HEATR5B: variants seen among roughly 807,000 people sequenced by gnomAD.
HEATR5B encodes HEAT repeat containing 5B, also known as HEAT repeat-containing protein 5B.
HEATR5B carries 156 observed loss-of-function variants against 224.1 expected under a neutral mutation model. The observed-to-expected ratio is 0.70, with a 90% CI of 0.61 to 0.80. The LOEUF is 0.80. Among genes scored for constraint, HEATR5B ranks in the 30% least tolerant of loss-of-function variants. The pLI, the probability that HEATR5B is intolerant of heterozygous loss-of-function variation, is 0.00. For synonymous variants in HEATR5B, 1,027 were observed against 893.0 expected, an observed-to-expected ratio of 1.15 and a Z score of -2.68; for missense variants, 2,323 against 2,535.5, an observed-to-expected ratio of 0.92 and a Z score of 1.80.
chr2:37,021,084 T>A (rs1262735283), intron 24 of HEATR5B, among the ~76,000 whole-genome samples: 1 of 152,234 alleles, frequency 6.6e-6, no homozygotes, highest in African/African-American at 2.4e-5. Flanking sequence ...AAAATACTTT[T>A]AACGTAACTT....
intron 10 of HEATR5B, among the ~76,000 whole-genome samples, chr2:37,063,000 A>G (rs973062409): frequency 3.3e-5 from 5 of 152,118 alleles, no homozygotes; most frequent in African/African-American, 9.7e-5. Flanking sequence ...GGGTCTCACT[A>G]TGTTTCCCAG....
At chr2:36,989,593 T>A (rs551029785) in intron 34 of HEATR5B, among the ~76,000 whole-genome samples, 1 of 152,300 alleles carries the variant, frequency 6.6e-6, no homozygotes, top group South Asian at 2.1e-4. Flanking sequence ...AAATGACTGT[T>A]AACAATGTAA....
intron 18 of HEATR5B, among the ~76,000 whole-genome samples, chr2:37,048,675 G>C (rs1670351006): frequency 6.6e-6 from 1 of 152,044 alleles, no homozygotes; most frequent in African/African-American, 2.4e-5. Flanking sequence ...CAAATATTTG[G>C]AAAGAGGAAA....
chr2:37,059,954 C>T (rs968751640), intron 12 of HEATR5B, among the ~76,000 whole-genome samples: 2 of 152,088 alleles, frequency 1.3e-5, no homozygotes, highest in African/African-American at 4.8e-5. Context: ...AAACATGTAT[C>T]TCTCTCCCAG....
chr2:37,079,876 G>C (rs1175606860), intron 2 of HEATR5B, among the ~76,000 whole-genome samples: 2 of 152,198 alleles, frequency 1.3e-5, no homozygotes, highest in African/African-American at 2.4e-5. Context: ...GGGTGCAACA[G>C]TGAACAAAAT....
At chr2:37,080,909 CTG>C (rs1672521697) in intron 2 of HEATR5B, among the ~76,000 whole-genome samples, 1 of 152,138 alleles carries the variant, frequency 6.6e-6, no homozygotes, top group South Asian at 2.1e-4. Context: ...TTCACACAAA[CTG>C]TGCAAAGCAA....
rs1425069267 is a variant in HEATR5B at position 37,061,998 on chromosome 2, C to T, written c.1637G>A (p.Arg546Lys). 8 of 1,613,950 alleles carry T rather than the reference C, an allele frequency of 5.0e-6. No homozygotes were observed. Among genetic ancestry groups the T allele is most frequent in the Non-Finnish European group, 5.9e-6 (7 of 1,179,886 alleles). Residue 546 changes from arginine to lysine, a missense_variant, in exon 11 of 36, where the codon AGG (arginine) becomes AAG (lysine). This residue lies in a region of HEATR5B where 502 missense variants were observed against 517.8 expected (regional missense o/e 0.97). Coordinates refer to ENST00000233099, the MANE Select transcript of HEATR5B (RefSeq NM_019024.3). ...AGCTTGGGTGCGCTGTAAAGATAGC[C>T]TGCTATTTTGGGCAGCAGTTCGTAA... ...DLLRTAAQNS[R>K]LSLQRTQAGW...
chr2:37,036,593 C>T (rs549464811), intron 21 of HEATR5B, among the ~76,000 whole-genome samples: 22 of 151,976 alleles, frequency 1.4e-4, no homozygotes, highest in African/African-American at 5.1e-4. Flanking sequence ...CTCACTATAA[C>T]CTCCACCTCC....
intron 2 of HEATR5B, among the ~76,000 whole-genome samples, chr2:37,080,995 T>G (rs2148613815): frequency 6.6e-6 from 1 of 152,326 alleles, no homozygotes; most frequent in Non-Finnish European, 1.5e-5. Flanking sequence ...TTTTATACAC[T>G]CTTGTATTTA....
chr2:36,984,215 A>AAAAAAAAAAAAAAAAAAAAATATAT, intron 35 of HEATR5B, among the ~76,000 whole-genome samples: 1 of 77,642 alleles, frequency 1.3e-5, no homozygotes, highest in African/African-American at 5.9e-5. Flanking sequence ...AAAAAAAAAA[A>AAAAAAAAAAAAAAAAAAAAATATAT]ATATATATAT....
intron 21 of HEATR5B, among the ~76,000 whole-genome samples, chr2:37,037,069 AATG>A (rs1669526659): frequency 6.7e-6 from 1 of 149,824 alleles, no homozygotes; most frequent in Admixed American, 6.7e-5. Flanking sequence ...TAACAATTAT[AATG>A]ATACCAACAG....
chr2:36,998,752 G>A (rs911306724), intron 33 of HEATR5B, among the ~76,000 whole-genome samples: 3 of 152,026 alleles, frequency 2.0e-5, no homozygotes. Flanking sequence ...TTATTGTTGA[G>A]TCACAGAATG....
intron 22 of HEATR5B, among the ~76,000 whole-genome samples, chr2:37,029,190 T>C (rs770464008): frequency 6.6e-6 from 1 of 152,182 alleles, no homozygotes; most frequent in Non-Finnish European, 1.5e-5. Flanking sequence ...TTGATTCTAA[T>C]AAGAAAAAGT....
Position 36,981,561 on chromosome 2 carries a change from C to T in HEATR5B, c.6145G>A (p.Ala2049Thr). The stretch of plus-strand genomic sequence containing the variant: ...GCGGGGGCTGGTTGTCTGGCAGCCG[C>T]TTTAGCTTTGCTCGCTTGGCTTGCT... ...VRASQASKAKAAARQPAPAIH... is the reference protein window; with the variant it reads ...VRASQASKAKTAARQPAPAIH... Residue 2049 changes from alanine to threonine, a missense_variant, in exon 36 of 36, where the codon GCG (alanine) becomes ACG (threonine). Ala to Thr is a moderately conservative substitution (Grantham distance 58). Coordinates refer to ENST00000233099, the MANE Select transcript of HEATR5B (RefSeq NM_019024.3). The T allele has an allele frequency of 6.2e-7, 1 of 1,614,198 alleles. No individual in the cohort carries two copies. The highest frequency in any genetic ancestry group is 8.5e-7 in the Non-Finnish European group (1 of 1,180,044).
chr2:37,061,541 T>C (rs1408186007), intron 11 of HEATR5B, among the ~76,000 whole-genome samples: 4 of 152,120 alleles, frequency 2.6e-5, no homozygotes, highest in African/African-American at 7.2e-5. Flanking sequence ...TACTTAAGAG[T>C]GAAACACATT....
At chr2:37,025,399 G>T (rs1215728416) in intron 24 of HEATR5B, among the ~76,000 whole-genome samples, 2 of 151,440 alleles carry the variant, frequency 1.3e-5, no homozygotes, top group African/African-American at 4.9e-5. Flanking sequence ...CCAGGGAAAA[G>T]AACGATTCTG....
Position 36,981,159 on chromosome 2 carries a change from C to A in HEATR5B, c.*331G>T, listed in dbSNP as rs1415852357. 5.3e-6 allele frequency: 1 copy of A among 187,082 alleles called. No individual in the cohort carries two copies. The highest frequency in any genetic ancestry group is 2.3e-5 in the African/African-American group (1 of 42,666). The allele number at this position is 187,082 out of a possible 1,614,324, so 11.6% of individuals were successfully genotyped here. On this transcript the variant is annotated 3_prime_UTR_variant, in exon 36 of 36. Transcript: ENST00000233099. Reference sequence around the variant, plus strand: ...CTGAGTTCTGACCCATTTTTTTCCCCTGACAGTATCAATAGGCTGCCCGAC... The same window carrying A: ...CTGAGTTCTGACCCATTTTTTTCCCATGACAGTATCAATAGGCTGCCCGAC...
chr2:36,997,428 AT>A (rs1666792322), intron 33 of HEATR5B, among the ~76,000 whole-genome samples: 1 of 152,104 alleles, frequency 6.6e-6, no homozygotes, highest in Non-Finnish European at 1.5e-5. Context: ...TGCTCAAGCG[AT>A]CTACCTGTCT....
At chr2:37,059,337 C>A (rs1193534314) in intron 12 of HEATR5B, among the ~76,000 whole-genome samples, 1 of 141,504 alleles carries the variant, frequency 7.1e-6, no homozygotes, top group Admixed American at 7.1e-5. Flanking sequence ...TAAACAATGC[C>A]TTAAAATTTA....
Sources: allele counts gnomAD v4.1 joint callset (sites outside exome capture counted in the v4.1 genomes callset), GRCh38; gene constraint gnomAD v4.1.1; regional missense constraint gnomAD v4.1.1; transcripts MANE v1.5; gene names NCBI Gene and HGNC (gene_info 2026-07-23, HGNC 2026-07-21).